WDR64: variants seen among roughly 807,000 people sequenced by gnomAD.
The protein encoded by WDR64 is WD repeat-containing protein 64.
WDR64 carries 112 observed loss-of-function variants against 139.3 expected under a neutral mutation model. The ratio of observed to expected loss-of-function variants is 0.80; its 90% CI spans 0.69 to 0.94. The LOEUF (loss-of-function observed/expected upper bound fraction) is 0.94, where lower values mean the gene tolerates loss of function less well. WDR64 is among the 40% of genes least tolerant of loss of function. WDR64 has a pLI of 0.00. For synonymous variants in WDR64, 444 were observed against 437.7 expected, an observed-to-expected ratio of 1.01 and a Z score of -0.18; for missense variants, 1,206 against 1,293.1, an observed-to-expected ratio of 0.93 and a Z score of 1.03.
intron 1 of WDR64, 150 bp downstream of exon 1, chr1:241,652,779 C>T (rs1277573845): frequency 4.1e-6 from 4 of 964,122 alleles, no homozygotes; most frequent in African/African-American, 1.7e-5. Context: ...CTTTCTCTGT[C>T]CCTAAATAAC....
At chr1:241,655,203 T>C (rs892303501) in intron 1 of WDR64, among the ~76,000 whole-genome samples, 1 of 152,130 alleles carries the variant, frequency 6.6e-6, no homozygotes, top group African/African-American at 2.4e-5. Flanking sequence ...GCCAACATGA[T>C]GAAACCCTGT....
intron 6 of WDR64, among the ~76,000 whole-genome samples, chr1:241,681,743 G>A (rs868651339): frequency 6.6e-6 from 1 of 152,314 alleles, no homozygotes; most frequent in Middle Eastern, 3.4e-3. Flanking sequence ...CCCACCAGCA[G>A]TGTAGAAGTG....
chr1:241,768,990 G>A (rs1017379469), intron 16 of WDR64, among the ~76,000 whole-genome samples: 10 of 152,126 alleles, frequency 6.6e-5, no homozygotes, highest in East Asian at 1.9e-4. Context: ...AAACCAGCCC[G>A]GCGTGGTGGC....
chr1:241,755,922 T>A (rs1670172141), intron 14 of WDR64, among the ~76,000 whole-genome samples: 1 of 152,192 alleles, frequency 6.6e-6, no homozygotes, highest in African/African-American at 2.4e-5. Flanking sequence ...TTGGTCTATA[T>A]GTCTGTTTTG....
intron 3 of WDR64, among the ~76,000 whole-genome samples, chr1:241,673,833 TC>T (rs1386138799): frequency 2.6e-5 from 4 of 152,190 alleles, no homozygotes; most frequent in Non-Finnish European, 5.9e-5. Flanking sequence ...TCTTTTTTTT[TC>T]AAAATGCACA....
Position 241,682,551 on chromosome 1 carries a change from CAG to C in WDR64, c.625-934_625-933del, listed in dbSNP as rs369180144. Among the ~76,000 whole-genome samples, 10 of 152,334 alleles carry C rather than the reference CAG, an allele frequency of 6.6e-5. 1 individual carries two copies. The highest frequency in any genetic ancestry group is 2.2e-4 in the African/African-American group (9 of 41,574). On this transcript the variant is annotated intron_variant, in intron 6 of 27. Coordinates refer to ENST00000437684, the MANE Select transcript of WDR64 (RefSeq NM_001367482.1). ...ATGGCCTTATAGTATAGTTTGAAATCAGATAGTGTGATGCCTCCAGATTTGTT... is the reference window on the plus strand; with the variant it reads ...ATGGCCTTATAGTATAGTTTGAAATCATAGTGTGATGCCTCCAGATTTGTT...
chr1:241,764,810 C>T (rs1037905186), intron 15 of WDR64, among the ~76,000 whole-genome samples: 24 of 151,882 alleles, frequency 1.6e-4, no homozygotes, highest in African/African-American at 5.6e-4. Flanking sequence ...GAGGAGGGCA[C>T]TGAAAGAAAG....
chr1:241,669,323 G>C (rs1402207106), intron 2 of WDR64, among the ~76,000 whole-genome samples: 1 of 152,152 alleles, frequency 6.6e-6, no homozygotes, highest in African/African-American at 2.4e-5. Flanking sequence ...ATGATATAGG[G>C]CTGAGGTACA....
At chr1:241,710,492 G>A (rs1574030936) in intron 8 of WDR64, among the ~76,000 whole-genome samples, 1 of 89,470 alleles carries the variant, frequency 1.1e-5, no homozygotes, top group African/African-American at 4.5e-5. Context: ...CTTTAAGGGA[G>A]AATAAGACAA....
At chr1:241,712,002 T>C in intron 9 of WDR64, 121 bp downstream of exon 9, 1 of 968,092 alleles carries the variant, frequency 1.0e-6, no homozygotes, top group Non-Finnish European at 1.6e-6. Context: ...TCAAATCTGT[T>C]TGTCTTTTTC....
chr1:241,690,927 T>C (rs1314884504), intron 8 of WDR64, among the ~76,000 whole-genome samples: 1 of 152,182 alleles, frequency 6.6e-6, no homozygotes, highest in Non-Finnish European at 1.5e-5. Context: ...ATATACACAA[T>C]ATATACACAT....
chr1:241,657,740 TACA>T (rs1335743800), intron 1 of WDR64, among the ~76,000 whole-genome samples: 3 of 152,338 alleles, frequency 2.0e-5, no homozygotes, highest in Non-Finnish European at 4.4e-5. Context: ...GTGCTTATTC[TACA>T]ACAACTTGTT....
Position 241,771,607 on chromosome 1 carries a change from C to T in WDR64, c.2254-54C>T. On this transcript the variant is annotated intron_variant, in intron 18 of 27. Transcript: ENST00000437684. ...TGGAGAATTTAATCACCCAGTATAT[C>T]TCATTTTCTTACAATGTCATGGAAG... is the stretch of plus-strand genomic sequence containing the variant. 3 of 1,353,174 alleles carry T rather than the reference C, an allele frequency of 2.2e-6. 1 individual carries two copies. In the South Asian group the frequency reaches 5.0e-5, roughly 23 times the overall value. 83.8% of individuals were successfully genotyped at this position (1,353,174 alleles called of 1,614,324 possible).
intron 10 of WDR64, among the ~76,000 whole-genome samples, chr1:241,731,020 T>G (rs984353064): frequency 6.6e-6 from 1 of 152,182 alleles, no homozygotes; most frequent in Non-Finnish European, 1.5e-5. Flanking sequence ...ACACAAACAT[T>G]CTATTTGTAG....
intron 10 of WDR64, among the ~76,000 whole-genome samples, chr1:241,737,538 G>C: frequency 6.6e-6 from 1 of 151,968 alleles, no homozygotes; most frequent in East Asian, 1.9e-4. Flanking sequence ...ATTATTTAAG[G>C]GCTGACGTAG....
chr1:241,794,172 ACT>A (rs1318020395), intron 25 of WDR64, among the ~76,000 whole-genome samples: 3 of 123,808 alleles, frequency 2.4e-5, no homozygotes, highest in Non-Finnish European at 5.1e-5. Context: ...CAAGAGCAAA[ACT>A]CTGTCTCAAA....
chr1:241,655,245 TG>T (rs2148048059), intron 1 of WDR64, among the ~76,000 whole-genome samples: 1 of 152,170 alleles, frequency 6.6e-6, no homozygotes, highest in Non-Finnish European at 1.5e-5. Flanking sequence ...TAGCTGGGCA[TG>T]GTGACGTGTG....
intron 11 of WDR64, among the ~76,000 whole-genome samples, chr1:241,740,892 A>G (rs1233795966): frequency 2.0e-5 from 3 of 152,180 alleles, no homozygotes; most frequent in African/African-American, 4.8e-5. Context: ...GTTAATTTTG[A>G]TACTTATATC....
intron 10 of WDR64, among the ~76,000 whole-genome samples, chr1:241,734,457 T>C (rs1269179067): frequency 6.6e-6 from 1 of 152,142 alleles, no homozygotes; most frequent in Non-Finnish European, 1.5e-5. Flanking sequence ...GCAACTAATA[T>C]ATTGTGAACA....
Sources: gnomAD v4.1 joint callset for allele counts (sites outside exome capture counted in the v4.1 genomes callset) on GRCh38, gnomAD v4.1.1 for gene constraint, MANE v1.5 for transcripts, NCBI Gene and HGNC (gene_info 2026-07-23, HGNC 2026-07-21) for gene names.